Variants in FAIM2 observed in about 807,000 individuals in gnomAD.
FAIM2 encodes the protein Fas apoptotic inhibitory molecule 2.
FAIM2 carries 27 observed loss-of-function variants against 47.4 expected under a neutral mutation model. That is an observed-to-expected ratio of 0.57 (90% confidence interval 0.42 to 0.78). The LOEUF (loss-of-function observed/expected upper bound fraction) is 0.78. Ranked by LOEUF, FAIM2 falls within the 30% of genes least tolerant of loss-of-function variation. The pLI, the probability that FAIM2 is intolerant of heterozygous loss-of-function variation, is 0.00. For missense variants in FAIM2, 311 were observed against 389.4 expected (o/e 0.80, Z 1.69); for synonymous variants, 156 against 159.3 (o/e 0.98, Z 0.16).
At chr12:49,871,714 C>G (rs1185162030) in intron 11 of FAIM2, among the ~76,000 whole-genome samples, 1 of 148,666 alleles carries the variant, frequency 6.7e-6, no homozygotes, top group East Asian at 2.0e-4. Flanking sequence ...TTGCCCAGGT[C>G]GGAGTGCAAT....
At chr12:49,900,292 T>C in intron 2 of FAIM2, 1 of 1,115,886 alleles carries the variant, frequency 9.0e-7, no homozygotes, top group South Asian at 1.5e-5. Flanking sequence ...GTCTCTGAGA[T>C]CTCTTCTAGA....
intron 3 of FAIM2, 163 bp from the exon 4 acceptor site, chr12:49,897,746 T>C: frequency 1.6e-6 from 1 of 644,928 alleles, no homozygotes; most frequent in African/African-American, 1.9e-5. Context: ...AAAGCAAAGA[T>C]GCTGCAGAGC....
At chr12:49,890,644 C>T (rs1231063925) in intron 7 of FAIM2, 39 bp downstream of exon 7, 3 of 1,598,434 alleles carry the variant, frequency 1.9e-6, no homozygotes, top group Admixed American at 3.3e-5. Context: ...CCTCCATCCC[C>T]ACTCAGCGTC....
chr12:49,889,385 C>T, intron 9 of FAIM2, 96 bp downstream of exon 9: 2 of 1,213,680 alleles, frequency 1.6e-6, no homozygotes, highest in Non-Finnish European at 2.4e-6. Context: ...ACTTCTCTCC[C>T]CAGCCCCAGG....
At chr12:49,883,698 G>A (rs1946841583) in intron 11 of FAIM2, among the ~76,000 whole-genome samples, 1 of 152,172 alleles carries the variant, frequency 6.6e-6, no homozygotes. Context: ...AGGGAGCAGG[G>A]TAGAAAGAGA....
intron 11 of FAIM2, among the ~76,000 whole-genome samples, chr12:49,880,061 T>C (rs1410115883): frequency 6.6e-6 from 1 of 151,874 alleles, no homozygotes; most frequent in Non-Finnish European, 1.5e-5. Context: ...TATATGTATT[T>C]ATTTGTGTGC....
At position 49,878,628 on chromosome 12, in the gene FAIM2, A is replaced by ATGTGTGCATATG. The variant is rs1378692473; in HGVS notation, c.802-7976_802-7975insCATATGCACACA. Among the ~76,000 whole-genome samples the ATGTGTGCATATG allele has an allele frequency of 1.4e-4, 12 of 83,766 alleles. 1 individual carries two copies. Among genetic ancestry groups the ATGTGTGCATATG allele is most frequent in the African/African-American group, 1.0e-3 (11 of 10,986 alleles). 55.0% of individuals were successfully genotyped at this position (83,766 alleles called of 152,430 possible). ...TGCATGTGTATGTGTGCATATGTGT[A>ATGTGTGCATATG]TGTATGTGCCCTTGTATATATGTGC... is the stretch of plus-strand genomic sequence containing the variant. On this transcript the variant is annotated intron_variant, in intron 11 of 11. Transcript: ENST00000320634.
At chr12:49,896,935 C>G in intron 5 of FAIM2, 96 bp downstream of exon 5, 2 of 994,382 alleles carry the variant, frequency 2.0e-6, no homozygotes, top group South Asian at 2.6e-5. Context: ...CTGGGGGAAG[C>G]TACGGGCTCA....
At chr12:49,889,234 G>T in intron 9 of FAIM2, 32 bp from the exon 10 acceptor site, 1 of 1,556,342 alleles carries the variant, frequency 6.4e-7, no homozygotes, top group Non-Finnish European at 8.8e-7. Context: ...AGCTGCAGGA[G>T]CGGCCTGACC....
intron 11 of FAIM2, among the ~76,000 whole-genome samples, chr12:49,879,708 G>A (rs554880834): frequency 1.6e-3 from 242 of 150,388 alleles, no homozygotes; most frequent in African/African-American, 3.7e-3. Flanking sequence ...GCATGTGTGT[G>A]TGTGTGTATA....
intron 11 of FAIM2, among the ~76,000 whole-genome samples, chr12:49,881,162 GCA>G (rs1946823430): frequency 6.6e-6 from 1 of 152,152 alleles, no homozygotes; most frequent in Non-Finnish European, 1.5e-5. Context: ...TACTGACCAT[GCA>G]CAGTCTCCCT....
At chr12:49,898,972 G>A (rs900377441) in intron 2 of FAIM2, among the ~76,000 whole-genome samples, 1 of 152,124 alleles carries the variant, frequency 6.6e-6, no homozygotes, top group Non-Finnish European at 1.5e-5. Context: ...GGCAAGAAGT[G>A]GGGGTGAGGA....
At chr12:49,880,105 CGTCTGTGTATGTGTGT>C (rs1225351879) in intron 11 of FAIM2, among the ~76,000 whole-genome samples, 1 of 135,194 alleles carries the variant, frequency 7.4e-6, no homozygotes, top group Non-Finnish European at 1.6e-5. Flanking sequence ...TGTATATGTG[CGTCTGTGTATGTGTGT>C]GCATGTGAAT....
intron 11 of FAIM2, among the ~76,000 whole-genome samples, chr12:49,880,622 GCA>G (rs1946814692): frequency 1.6e-5 from 1 of 63,876 alleles, no homozygotes; most frequent in African/African-American, 9.0e-5. Context: ...GAGTGTATGT[GCA>G]TGTGTGTATA....
At chr12:49,880,703 C>A (rs114225565) in intron 11 of FAIM2, among the ~76,000 whole-genome samples, 1,697 of 127,486 alleles carry the variant, frequency 0.013, 38 homozygotes, top group African/African-American at 0.051. Context: ...CATGTGAGTC[C>A]ATGTGTGTAC....
intron 11 of FAIM2, among the ~76,000 whole-genome samples, chr12:49,879,653 AATGTGTATATGTGAGTGTGTGCAT>A (rs1230245199): frequency 8.3e-6 from 1 of 120,348 alleles, no homozygotes; most frequent in Non-Finnish European, 1.8e-5. Context: ...TGGGCATGTG[AATGTGTATATGTGAGTGTGTGCAT>A]GTGTGTATCT....
chr12:49,896,031 T>C (rs1225725319), intron 5 of FAIM2, among the ~76,000 whole-genome samples: 1 of 152,238 alleles, frequency 6.6e-6, no homozygotes, highest in Non-Finnish European at 1.5e-5. Flanking sequence ...GGGAACGCTG[T>C]CTCCTGTCTT....
At chr12:49,889,278 C>T (rs1282558530) in intron 9 of FAIM2, 76 bp from the exon 10 acceptor site, 5 of 1,136,532 alleles carry the variant, frequency 4.4e-6, no homozygotes, top group Non-Finnish European at 6.5e-6. Flanking sequence ...TGAGCCCATA[C>T]AGCAGGCCAC....
chr12:49,891,196 G>T, intron 5 of FAIM2, 82 bp from the exon 6 acceptor site: 1 of 1,332,464 alleles, frequency 7.5e-7, no homozygotes, highest in Non-Finnish European at 1.1e-6. Flanking sequence ...GCCACTCTCT[G>T]CCACCCCCAC....
Sources: gnomAD v4.1 joint callset for allele counts (sites outside exome capture counted in the v4.1 genomes callset) on GRCh38, gnomAD v4.1.1 for gene constraint, MANE v1.5 for transcripts, NCBI Gene and HGNC (gene_info 2026-07-23, HGNC 2026-07-21) for gene names.